The following DMD variants were observed in gnomAD, a reference collection of about 807,000 sequenced individuals.
The protein encoded by DMD is mutant dystrophin.
Under a neutral mutation model 330.1 loss-of-function variants are expected in DMD, and 63 were observed. That is an observed-to-expected ratio of 0.19 (90% CI 0.16 to 0.24). DMD has a LOEUF of 0.24. DMD is among the 10% of genes least tolerant of loss of function. DMD has a pLI of 1.00. For synonymous variants in DMD, 1,223 were observed against 959.8 expected, an observed-to-expected ratio of 1.27 and a Z score of -5.07; for missense variants, 3,344 against 2,684.1, an observed-to-expected ratio of 1.25 and a Z score of -5.43.
chrX:32,159,542 C>T (rs1341755494), intron 44 of DMD, among the ~76,000 whole-genome samples: 1 of 111,689 alleles, frequency 9.0e-6, no homozygotes, highest in East Asian at 2.8e-4. Context: ...GTTTTATGTC[C>T]TCAATGCTTC....
At chrX:31,140,220 C>A (rs139165129) in intron 76 of DMD, among the ~76,000 whole-genome samples, 141 of 112,802 alleles carry the variant, frequency 1.2e-3, no homozygotes, top group African/African-American at 4.4e-3. Flanking sequence ...GTTCTATCTG[C>A]TTAAAAAGTG....
At chrX:31,502,055 A>C (rs1292202133) in intron 56 of DMD, among the ~76,000 whole-genome samples, 1 of 111,189 alleles carries the variant, frequency 9.0e-6, no homozygotes, top group Non-Finnish European at 1.9e-5. Context: ...GTGCGGAAAA[A>C]CTGGATATCC....
chrX:32,798,961 CG>C (rs2076357790), intron 7 of DMD, among the ~76,000 whole-genome samples: 1 of 111,181 alleles, frequency 9.0e-6, no homozygotes, highest in East Asian at 2.8e-4. Flanking sequence ...ACAGCAGAGG[CG>C]GAAAAAAGTT....
At chrX:31,284,574 T>TCTTCTTCTTCTTCTTC (rs2147920601) in intron 62 of DMD, among the ~76,000 whole-genome samples, 1 of 92,221 alleles carries the variant, frequency 1.1e-5, no homozygotes, top group African/African-American at 4.2e-5. Context: ...TTCTTCTTCT[T>TCTTCTTCTTCTTCTTC]CTTCTTCTTC....
chrX:32,003,390 C>T (rs187308651), intron 44 of DMD, among the ~76,000 whole-genome samples: 1 of 111,877 alleles, frequency 8.9e-6, no homozygotes, highest in African/African-American at 3.2e-5. Flanking sequence ...CTGGAAAATA[C>T]GGGCTCCTCA....
intron 1 of DMD, among the ~76,000 whole-genome samples, chrX:33,101,696 G>A (rs1348124355): frequency 8.9e-6 from 1 of 112,549 alleles, no homozygotes; most frequent in Admixed American, 9.4e-5. Context: ...CTTTTGGGAA[G>A]AACTAATGTG....
intron 47 of DMD, among the ~76,000 whole-genome samples, chrX:31,921,282 G>A (rs2094686293): frequency 8.9e-6 from 1 of 112,024 alleles, no homozygotes; most frequent in African/African-American, 3.2e-5. Context: ...TGCTGGCTTT[G>A]TTGGGCTTCT....
chrX:33,095,964 ATTTTTTTTT>A (rs35906927), intron 1 of DMD, among the ~76,000 whole-genome samples: 2 of 51,550 alleles, frequency 3.9e-5, no homozygotes, highest in African/African-American at 1.5e-4. Context: ...TTCTTCCAGA[ATTTTTTTTT>A]TTTTTTTTTT....
chrX:31,564,189 C>G (rs2075348716), intron 55 of DMD, among the ~76,000 whole-genome samples: 1 of 111,662 alleles, frequency 9.0e-6, no homozygotes, highest in Non-Finnish European at 1.9e-5. Flanking sequence ...TCTCAGACTT[C>G]TATCCTCCAG....
chrX:32,767,361 G>A (rs752642523), intron 7 of DMD, among the ~76,000 whole-genome samples: 1 of 109,382 alleles, frequency 9.1e-6, no homozygotes, highest in Non-Finnish European at 1.9e-5. Flanking sequence ...AATTATTCAG[G>A]AAAAAAAACC....
intron 55 of DMD, among the ~76,000 whole-genome samples, chrX:31,554,589 T>C (rs747200453): frequency 8.9e-5 from 10 of 111,962 alleles, no homozygotes; most frequent in African/African-American, 3.2e-4. Flanking sequence ...CACAAGGTCA[T>C]ACATAAAATA....
chrX:33,098,161 C>A (rs765748418), intron 1 of DMD, among the ~76,000 whole-genome samples: 1 of 111,528 alleles, frequency 9.0e-6, no homozygotes, highest in East Asian at 2.8e-4. Context: ...CCAGATAGGA[C>A]AGAATATATG....
chrX:32,958,794 C>T lies in DMD; in HGVS notation c.93+61345G>A, dbSNP rs184819756. Reference sequence around the variant, plus strand: ...TTAATTTATTACCTCATTCACTTAACTTCTACATGTTACCCAGATAAACTA... The same window carrying T: ...TTAATTTATTACCTCATTCACTTAATTTCTACATGTTACCCAGATAAACTA... On this transcript the variant is annotated intron_variant, in intron 2 of 78. Transcript: ENST00000357033. Among the ~76,000 whole-genome samples, 14 of 111,181 alleles carry T rather than the reference C, an allele frequency of 1.3e-4. No homozygotes were observed. In the East Asian group the frequency reaches 4.0e-3, roughly 32 times the overall value.
intron 6 of DMD, among the ~76,000 whole-genome samples, chrX:32,815,043 T>G (rs916006341): frequency 9.0e-6 from 1 of 111,354 alleles, no homozygotes; most frequent in Non-Finnish European, 1.9e-5. Context: ...AACATTTTCT[T>G]CTGTCATACG....
At chrX:31,143,805 C>T (rs755523631) in intron 76 of DMD, among the ~76,000 whole-genome samples, 1 of 111,659 alleles carries the variant, frequency 9.0e-6, no homozygotes, top group Non-Finnish European at 1.9e-5. Context: ...TGAATCTGAC[C>T]ACTAAAATAT....
At chrX:32,165,381 C>T (rs2096864613) in intron 44 of DMD, among the ~76,000 whole-genome samples, 1 of 112,825 alleles carries the variant, frequency 8.9e-6, no homozygotes, top group Non-Finnish European at 1.9e-5. Context: ...AAGGAGACAA[C>T]TTCAGAGCTG....
intron 11 of DMD, among the ~76,000 whole-genome samples, chrX:32,624,908 T>A (rs1233714709): frequency 8.9e-6 from 1 of 112,018 alleles, no homozygotes; most frequent in Non-Finnish European, 1.9e-5. Context: ...GTGCGATGGC[T>A]CACGCCTGTA....
chrX:31,879,211 G>GGT (rs1366936544), intron 47 of DMD, among the ~76,000 whole-genome samples: 3 of 98,430 alleles, frequency 3.0e-5, no homozygotes, highest in African/African-American at 8.0e-5. Context: ...CTACATGGCG[G>GGT]GGGGGGGCCT....
intron 2 of DMD, among the ~76,000 whole-genome samples, chrX:32,967,639 G>A (rs2092214029): frequency 9.0e-6 from 1 of 111,427 alleles, no homozygotes. Context: ...GAGACAAAAT[G>A]GGAGCGCTGA....
Sources: allele counts gnomAD v4.1 joint callset (sites outside exome capture counted in the v4.1 genomes callset), GRCh38; gene constraint gnomAD v4.1.1; transcripts MANE v1.5; gene names NCBI Gene and HGNC (gene_info 2026-07-23, HGNC 2026-07-21).